The following ATF7IP2 variants were observed in gnomAD, a reference collection of about 807,000 sequenced individuals.
ATF7IP2 encodes the protein activating transcription factor 7-interacting protein 2.
In ATF7IP2, 42 loss-of-function variants were observed where a neutral mutation model predicts 64.2. That is an observed-to-expected ratio of 0.65 (90% CI 0.51 to 0.85). ATF7IP2 has a LOEUF of 0.85. ATF7IP2 is among the 40% of genes least tolerant of loss of function. ATF7IP2 has a pLI of 0.00. For synonymous variants in ATF7IP2, 308 were observed against 272.8 expected (o/e 1.13, Z -1.27); for missense variants, 933 against 784.2 (o/e 1.19, Z -2.27).
At position 10,438,238 on chromosome 16, in the gene ATF7IP2, AAG is replaced by A; in HGVS notation, c.1095+4_1095+5del. 1 of 1,594,558 alleles carries A rather than the reference AAG, an allele frequency of 6.3e-7. No individual in the cohort carries two copies. The highest frequency in any genetic ancestry group is 8.5e-7 in the Non-Finnish European group (1 of 1,173,118). On this transcript the variant is annotated splice_donor_5th_base_variant and intron_variant, in intron 7 of 13. Transcript: ENST00000562102. ...AAGGAATAGCTGATAAACTTTTGGTAAGTTTTGATTTCATTTGAGTCTTTTTT... is the reference window on the plus strand; with the variant it reads ...AAGGAATAGCTGATAAACTTTTGGTATTTTGATTTCATTTGAGTCTTTTTT...
intron 1 of ATF7IP2, among the ~76,000 whole-genome samples, chr16:10,401,649 T>TC (rs1467553049): frequency 6.6e-6 from 1 of 152,102 alleles, no homozygotes; most frequent in Non-Finnish European, 1.5e-5. Flanking sequence ...TCCTTTTTTT[T>TC]CCCTCTTTTT....
intron 1 of ATF7IP2, among the ~76,000 whole-genome samples, chr16:10,398,147 T>C (rs2047454965): frequency 6.6e-6 from 1 of 151,558 alleles, no homozygotes; most frequent in African/African-American, 2.4e-5. Context: ...CTACTAAAAA[T>C]ACAAAAATTA....
chr16:10,458,923 C>T (rs541855421), intron 9 of ATF7IP2, among the ~76,000 whole-genome samples: 8 of 152,070 alleles, frequency 5.3e-5, no homozygotes, highest in Non-Finnish European at 7.4e-5. Context: ...CGGTGGCTCA[C>T]GCCTGTAATC....
chr16:10,418,214 A>G (rs2047917526), intron 2 of ATF7IP2, among the ~76,000 whole-genome samples: 1 of 152,224 alleles, frequency 6.6e-6, no homozygotes, highest in Non-Finnish European at 1.5e-5. Flanking sequence ...ACAGACACTC[A>G]TGCTATTGTT....
chr16:10,433,494 T>C (rs1022478994), intron 5 of ATF7IP2, 31 bp from the exon 6 acceptor site: 1 of 1,591,842 alleles, frequency 6.3e-7, no homozygotes, highest in Non-Finnish European at 8.6e-7. Flanking sequence ...CTTTAAAATA[T>C]CTTTCTTTCT....
intron 9 of ATF7IP2, among the ~76,000 whole-genome samples, chr16:10,464,940 TC>T (rs1426099069): frequency 1.3e-5 from 2 of 152,166 alleles, no homozygotes. Context: ...AGGTGATTCT[TC>T]CGCCTCAGCC....
intron 1 of ATF7IP2, among the ~76,000 whole-genome samples, chr16:10,406,501 AT>A (rs2047643389): frequency 1.3e-5 from 2 of 152,224 alleles, no homozygotes; most frequent in African/African-American, 4.8e-5. Flanking sequence ...AGTAATAAAG[AT>A]CATTGCAGAA....
rs144287008 is a variant in ATF7IP2, at chr16:10,470,153, G to C, written c.1353-1957G>C. ...GAAAATATTTTTGTTTCTTTATAGTGTATACACACAACACACTCTATATAG... is the reference window on the plus strand; with the variant it reads ...GAAAATATTTTTGTTTCTTTATAGTCTATACACACAACACACTCTATATAG... On this transcript the variant is annotated intron_variant, in intron 9 of 13. Coordinates refer to ENST00000562102, the MANE Select transcript of ATF7IP2 (RefSeq NM_001393719.1). 1.0e-3 allele frequency among the ~76,000 whole-genome samples: 156 copies of C among 152,120 alleles called. 1 individual carries two copies. The highest frequency in any genetic ancestry group is 3.6e-3 in the African/African-American group (151 of 41,488).
At chr16:10,436,758 A>T (rs1360593071) in intron 6 of ATF7IP2, among the ~76,000 whole-genome samples, 1 of 152,186 alleles carries the variant, frequency 6.6e-6, no homozygotes, top group African/African-American at 2.4e-5. Context: ...GACTACTTAC[A>T]CTGTGGTGAA....
In ATF7IP2 at chr16:10,459,099, C is replaced by T. The variant is rs546168433; in HGVS notation, c.1352+1570C>T. On this transcript the variant is annotated intron_variant, in intron 9 of 13. Transcript: ENST00000562102. ...CTGTAATCCCAGCTCTTTGGGAGGCCGAGGCGGGCAGATCACCTGAGGTCG... is the reference window on the plus strand; with the variant it reads ...CTGTAATCCCAGCTCTTTGGGAGGCTGAGGCGGGCAGATCACCTGAGGTCG... Among the ~76,000 whole-genome samples the T allele has an allele frequency of 7.7e-4, 117 of 151,714 alleles. 1 individual carries two copies. Among genetic ancestry groups the T allele is most frequent in the African/African-American group, 2.6e-3 (107 of 41,354 alleles).
At position 10,457,413 on chromosome 16, in the gene ATF7IP2, G is replaced by T; in HGVS notation, c.1236G>T (p.Glu412Asp). ...CTATGATTTTGGATAAGAATCTTGA[G>T]TCAGTTAATAGTCCAATTGAAAAGT... is the stretch of plus-strand genomic sequence containing the variant. Reference protein sequence around the residue: ...SEAMILDKNLESVNSPIEKSS... With the variant: ...SEAMILDKNLDSVNSPIEKSS... The change falls in exon 9 of 14, where the codon GAG becomes GAT. Residue 412 changes from glutamate to aspartate, a missense_variant. Transcript: ENST00000562102. 1 of 1,607,802 alleles carries T rather than the reference G, an allele frequency of 6.2e-7. No individual in the cohort carries two copies. The highest frequency in any genetic ancestry group is 1.3e-5 in the African/African-American group (1 of 74,788).
chr16:10,476,210 C>A lies in ATF7IP2; in HGVS notation c.1549+2221C>A, dbSNP rs536529026. On this transcript the variant is annotated intron_variant, in intron 12 of 13. Transcript: ENST00000562102. ...AACAGACTCTCTAAAATAATAAACT[C>A]CTTACTTCTAGGAAGGTTTTTGTAA... Among the ~76,000 whole-genome samples, 15 of 152,240 alleles carry A rather than the reference C, an allele frequency of 9.9e-5. 1 individual carries two copies. The South Asian group carries it at 2.7e-3, about 27-fold the overall frequency.
intron 9 of ATF7IP2, among the ~76,000 whole-genome samples, chr16:10,465,734 G>C (rs1373345045): frequency 6.7e-6 from 1 of 148,994 alleles, no homozygotes; most frequent in Non-Finnish European, 1.5e-5. Context: ...ACGAGACTCC[G>C]GCCCAAAAAC....
intron 4 of ATF7IP2, among the ~76,000 whole-genome samples, chr16:10,429,895 C>A (rs545902975): frequency 4.1e-5 from 6 of 147,674 alleles, no homozygotes; most frequent in African/African-American, 1.5e-4. Flanking sequence ...CTCTGTTGCC[C>A]AAGCTGGAGT....
rs140407502 is a variant in ATF7IP2, at chr16:10,427,333, T to C, written c.-159-1535T>C. Among the ~76,000 whole-genome samples the C allele has an allele frequency of 1.6e-3, 240 of 152,334 alleles. 2 individuals carry two copies. The highest frequency in any genetic ancestry group is 5.5e-3 in the African/African-American group (230 of 41,584). ...ATTAAGACAATGAGAGCTAATTCTT[T>C]ATCCAAGTAGATTGGCTAAAATCAA... On this transcript the variant is annotated intron_variant, in intron 3 of 13. Coordinates refer to ENST00000562102, the MANE Select transcript of ATF7IP2 (RefSeq NM_001393719.1).
intron 1 of ATF7IP2, among the ~76,000 whole-genome samples, chr16:10,395,965 A>G (rs1009639713): frequency 6.6e-6 from 1 of 152,116 alleles, no homozygotes; most frequent in African/African-American, 2.4e-5. Context: ...CGAAATTGGA[A>G]AGGGAGAAGT....
rs151053241 is a variant in ATF7IP2, at chr16:10,482,036, C to A, written c.1836C>A (p.His612Gln). The change falls in exon 14 of 14, where the codon CAC becomes CAA. Residue 612 changes from histidine to glutamine, a missense_variant. Coordinates refer to ENST00000562102, the MANE Select transcript of ATF7IP2 (RefSeq NM_001393719.1). ...AGTGTGCTCCTGTAGAAAGCTACCA[C>A]CTCTTCCTGTGTCATGAGAACTCTA... ...NPKCAPVESY[H>Q]LFLCHENSNN... 1 of 1,613,794 alleles carries A rather than the reference C, an allele frequency of 6.2e-7. No homozygotes were observed. Among genetic ancestry groups the A allele is most frequent in the Non-Finnish European group, 8.5e-7 (1 of 1,179,868 alleles).
At position 10,472,887 on chromosome 16, in the gene ATF7IP2, A is replaced by G. The variant is rs937302577; in HGVS notation, c.1427-592A>G. On this transcript the variant is annotated intron_variant, in intron 10 of 13. Transcript: ENST00000562102. ...AAAAAAAAAAAAATTTTAACCTTAC[A>G]TTTCCAATGATAACTTTTCTCTCTC... Among the ~76,000 whole-genome samples the G allele has an allele frequency of 2.0e-5, 3 of 151,880 alleles. 1 individual carries two copies. In the East Asian group the frequency reaches 5.8e-4, roughly 29 times the overall value.
chr16:10,460,790 G>A (rs1037905883), intron 9 of ATF7IP2, among the ~76,000 whole-genome samples: 2 of 152,118 alleles, frequency 1.3e-5, no homozygotes, highest in Non-Finnish European at 2.9e-5. Flanking sequence ...GATAGGGAAT[G>A]TTTTCTTAAG....
Sources: gnomAD v4.1 joint callset for allele counts (sites outside exome capture counted in the v4.1 genomes callset) on GRCh38, gnomAD v4.1.1 for gene constraint, MANE v1.5 for transcripts, NCBI Gene and HGNC (gene_info 2026-07-23, HGNC 2026-07-21) for gene names.